Variants in FYB2 observed in about 807,000 individuals in gnomAD.
FYB2 encodes FYN-binding protein 2.
FYB2 carries 103 observed loss-of-function variants against 94.1 expected under a neutral mutation model. The observed-to-expected ratio is 1.09, with a 90% CI of 0.93 to 1.29. The LOEUF (loss-of-function observed/expected upper bound fraction) is 1.29. Among genes scored for constraint, FYB2 ranks in the 50% most tolerant of loss-of-function variants. The pLI, the probability that FYB2 is intolerant of heterozygous loss-of-function variation, is 0.00. For synonymous variants in FYB2, 293 were observed against 287.9 expected (o/e 1.02, Z -0.18); for missense variants, 896 against 841.5 (o/e 1.06, Z -0.80).
intron 1 of FYB2, among the ~76,000 whole-genome samples, chr1:56,802,209 T>C (rs80318633): frequency 0.015 from 2,253 of 152,312 alleles, 57 homozygotes; most frequent in African/African-American, 0.049. Context: ...GTGCTTATCA[T>C]ATTCTATCTT....
chr1:56,747,762 C>G (rs536718434), intron 9 of FYB2, among the ~76,000 whole-genome samples: 1 of 152,198 alleles, frequency 6.6e-6, no homozygotes, highest in East Asian at 1.9e-4. Flanking sequence ...TGGGTATATA[C>G]CCAGTAATGG....
At chr1:56,816,609 A>G (rs1332141806) in intron 1 of FYB2, among the ~76,000 whole-genome samples, 1 of 152,178 alleles carries the variant, frequency 6.6e-6, no homozygotes. Flanking sequence ...AATCCCCCAT[A>G]TAACACATAC....
chr1:56,764,109 C>T (rs1300456651), intron 5 of FYB2, among the ~76,000 whole-genome samples: 1 of 144,692 alleles, frequency 6.9e-6, no homozygotes, highest in African/African-American at 2.7e-5. Context: ...CACTGCCACA[C>T]CCAGCTAATT....
chr1:56,747,336 C>T (rs1645091239), intron 9 of FYB2, among the ~76,000 whole-genome samples: 1 of 151,680 alleles, frequency 6.6e-6, no homozygotes, highest in Non-Finnish European at 1.5e-5. Flanking sequence ...GTTTGCTGCA[C>T]CAATCAACTC....
chr1:56,758,462 T>C (rs1403916163), intron 6 of FYB2, among the ~76,000 whole-genome samples: 1 of 152,096 alleles, frequency 6.6e-6, no homozygotes, highest in Non-Finnish European at 1.5e-5. Context: ...TAAAAGCTAG[T>C]TGTCACTGCC....
At chr1:56,777,796 GT>G (rs1645916663) in intron 4 of FYB2, among the ~76,000 whole-genome samples, 1 of 151,868 alleles carries the variant, frequency 6.6e-6, no homozygotes, top group Admixed American at 6.6e-5. Context: ...AACATCCTCT[GT>G]GCAAACTCAT....
At chr1:56,748,991 A>T (rs1275642271) in intron 9 of FYB2, among the ~76,000 whole-genome samples, 1 of 150,642 alleles carries the variant, frequency 6.6e-6, no homozygotes, top group South Asian at 2.1e-4. Context: ...GTAGATATTT[A>T]ATCTCTTTCA....
At chr1:56,735,727 T>G (rs983361642) in intron 15 of FYB2, among the ~76,000 whole-genome samples, 1 of 152,076 alleles carries the variant, frequency 6.6e-6, no homozygotes, top group African/African-American at 2.4e-5. Flanking sequence ...TTCTCTCTCT[T>G]GCCTGCCACC....
rs112796857 is a variant in FYB2 at position 56,819,221 on chromosome 1, G to A, written c.9+61C>T. The stretch of plus-strand genomic sequence containing the variant: ...TTTTCCCCAGGGCTCTCAAGTGGGA[G>A]GAACTTGTCCTGCAAGAAAAGACAC... On this transcript the variant is annotated intron_variant, in intron 1 of 19. Coordinates refer to ENST00000343433, the MANE Select transcript of FYB2 (RefSeq NM_001004303.5). The A allele has an allele frequency of 3.2e-5, 52 of 1,612,790 alleles. No individual in the cohort carries two copies. The African/African-American group carries it at 3.5e-4, about 11-fold the overall frequency.
intron 1 of FYB2, among the ~76,000 whole-genome samples, chr1:56,803,689 A>G (rs1028244352): frequency 6.6e-6 from 1 of 152,186 alleles, no homozygotes; most frequent in African/African-American, 2.4e-5. Flanking sequence ...CACCTCCTTG[A>G]TCTGGTCCCA....
At chr1:56,732,955 C>T (rs1401027237) in intron 15 of FYB2, among the ~76,000 whole-genome samples, 1 of 151,926 alleles carries the variant, frequency 6.6e-6, no homozygotes, top group Non-Finnish European at 1.5e-5. Context: ...CTCAGTAGCA[C>T]AAGTAACAAA....
chr1:56,745,008 G>A (rs145357866), intron 9 of FYB2, among the ~76,000 whole-genome samples: 58 of 152,082 alleles, frequency 3.8e-4, no homozygotes, highest in African/African-American at 1.3e-3. Context: ...AATGAACCAA[G>A]CAATAAGATT....
intron 4 of FYB2, among the ~76,000 whole-genome samples, chr1:56,782,105 A>C (rs543125028): frequency 6.6e-6 from 1 of 152,292 alleles, no homozygotes; most frequent in Non-Finnish European, 1.5e-5. Context: ...AATTTTCTTT[A>C]TGTTAAGAAC....
At chr1:56,774,962 G>C (rs1645842332) in intron 4 of FYB2, among the ~76,000 whole-genome samples, 1 of 152,056 alleles carries the variant, frequency 6.6e-6, no homozygotes, top group African/African-American at 2.4e-5. Context: ...TGGTTTGCCA[G>C]GGCTCTCAGG....
chr1:56,745,670 A>T (rs1645051414), intron 9 of FYB2, among the ~76,000 whole-genome samples: 2 of 151,910 alleles, frequency 1.3e-5, no homozygotes. Flanking sequence ...CTCACATTTT[A>T]TTTTCAAGAC....
Position 56,726,514 on chromosome 1 carries a change from A to G in FYB2, c.1863T>C (p.Gly621=). The G allele has an allele frequency of 1.9e-6, 3 of 1,612,100 alleles. No individual in the cohort carries two copies. Among genetic ancestry groups the G allele is most frequent in the Non-Finnish European group, 2.5e-6 (3 of 1,178,894 alleles). The change falls in exon 16 of 20, where the codon GGT becomes GGC. Residue 621 remains glycine (G), a synonymous_variant. Coordinates refer to ENST00000343433, the MANE Select transcript of FYB2 (RefSeq NM_001004303.5). ...GTTCCCACCTTTCTGATTCTTCAGCACCGTTTTTCTCTTTTTTTTCCTTTG... is the reference window on the plus strand; with the variant it reads ...GTTCCCACCTTTCTGATTCTTCAGCGCCGTTTTTCTCTTTTTTTTCCTTTG... The part of the protein sequence containing the change: ...LTPKEKKEKN[G]AEESESFSPR...
In FYB2 at chr1:56,757,205, C is replaced by T. The variant is rs555970583; in HGVS notation, c.1099-1278G>A. Among the ~76,000 whole-genome samples the T allele has an allele frequency of 5.3e-5, 8 of 152,150 alleles. No individual in the cohort carries two copies. The South Asian group carries it at 1.5e-3, about 28-fold the overall frequency. On this transcript the variant is annotated intron_variant, in intron 6 of 19. Coordinates refer to ENST00000343433, the MANE Select transcript of FYB2 (RefSeq NM_001004303.5). ...CATTTACTTGGCAAGTTCATTTGTG[C>T]AGAACAGTTTATTATTTGTTGATGT...
chr1:56,791,351 G>A (rs1472187778), intron 2 of FYB2, among the ~76,000 whole-genome samples: 1 of 151,602 alleles, frequency 6.6e-6, no homozygotes, highest in African/African-American at 2.4e-5. Flanking sequence ...TGCCTCCCAG[G>A]TTCAAGCAAT....
At chr1:56,821,876 G>C (rs1429693857), upstream of FYB2, among the ~76,000 whole-genome samples, 1 of 152,220 alleles carries the variant, frequency 6.6e-6, no homozygotes, top group Non-Finnish European at 1.5e-5. Flanking sequence ...ACAAATTGCT[G>C]ACATTGTGGG....
Sources: allele counts gnomAD v4.1 joint callset (sites outside exome capture counted in the v4.1 genomes callset), GRCh38; gene constraint gnomAD v4.1.1; transcripts MANE v1.5; gene names NCBI Gene and HGNC (gene_info 2026-07-23, HGNC 2026-07-21).